ENOX1: variants seen among roughly 807,000 people sequenced by gnomAD.
The protein encoded by ENOX1 is ecto-NOX disulfide-thiol exchanger 1.
Under a neutral mutation model 82.5 loss-of-function variants are expected in ENOX1, and 42 were observed. The observed-to-expected ratio is 0.51, with a 90% confidence interval of 0.40 to 0.66. The LOEUF (loss-of-function observed/expected upper bound fraction) is 0.66. Ranked by LOEUF, ENOX1 falls within the 30% of genes least tolerant of loss-of-function variation. ENOX1 has a pLI of 0.00. For synonymous variants in ENOX1, 271 were observed against 282.2 expected, an observed-to-expected ratio of 0.96 and a Z score of 0.40; for missense variants, 608 against 811.6, an observed-to-expected ratio of 0.75 and a Z score of 3.05.
chr13:43,629,290 G>A (rs2083103936), intron 2 of ENOX1, among the ~76,000 whole-genome samples: 1 of 152,192 alleles, frequency 6.6e-6, no homozygotes, highest in Non-Finnish European at 1.5e-5. Flanking sequence ...TTGCTGCAAT[G>A]TCCCTTTTTC....
chr13:43,550,402 C>A (rs1265526954), intron 2 of ENOX1, among the ~76,000 whole-genome samples: 1 of 152,152 alleles, frequency 6.6e-6, no homozygotes, highest in African/African-American at 2.4e-5. Context: ...TGTCCATCAG[C>A]AGTTGGGTGT....
At chr13:43,727,064 A>G (rs1248260132) in intron 1 of ENOX1, among the ~76,000 whole-genome samples, 1 of 152,154 alleles carries the variant, frequency 6.6e-6, no homozygotes, top group Non-Finnish European at 1.5e-5. Context: ...GATGCACCGA[A>G]GAACACCCTG....
intron 5 of ENOX1, among the ~76,000 whole-genome samples, chr13:43,383,665 G>C (rs2052218195): frequency 6.6e-6 from 1 of 152,132 alleles, no homozygotes; most frequent in Admixed American, 6.5e-5. Flanking sequence ...ATGGCCTCCT[G>C]CTGCTGTTGT....
intron 2 of ENOX1, among the ~76,000 whole-genome samples, chr13:43,632,745 C>A (rs1207974684): frequency 1.3e-5 from 2 of 152,066 alleles, no homozygotes; most frequent in Non-Finnish European, 2.9e-5. Flanking sequence ...CAGTGCCCGG[C>A]CTGATTTTTA....
chr13:43,213,196 T>A lies in ENOX1; in HGVS notation c.*794A>T, dbSNP rs1028850613. On this transcript the variant is annotated 3_prime_UTR_variant, in exon 17 of 17. Coordinates refer to ENST00000690772, the MANE Select transcript of ENOX1 (RefSeq NM_001347969.2). ...GCTATAAAATTTGTAACAGGAATAT[T>A]TACTGAATGTTTATTTTGATGCATA... Among the ~76,000 whole-genome samples, 1 of 152,174 alleles carries A rather than the reference T, an allele frequency of 6.6e-6. No individual in the cohort carries two copies. The highest frequency in any genetic ancestry group is 1.5e-5 in the Non-Finnish European group (1 of 68,008).
chr13:43,499,883 G>T (rs779676530), intron 2 of ENOX1, among the ~76,000 whole-genome samples: 4 of 151,964 alleles, frequency 2.6e-5, no homozygotes, highest in African/African-American at 9.7e-5. Flanking sequence ...TCAACAAAGA[G>T]ATAGAAACCA....
At chr13:43,568,406 G>A (rs776707929) in intron 2 of ENOX1, among the ~76,000 whole-genome samples, 1 of 152,086 alleles carries the variant, frequency 6.6e-6, no homozygotes, top group Non-Finnish European at 1.5e-5. Flanking sequence ...CCGTGTCAGG[G>A]TGCCCCGGGA....
At chr13:43,487,515 A>C (rs576389389) in intron 2 of ENOX1, among the ~76,000 whole-genome samples, 16 of 152,342 alleles carry the variant, frequency 1.1e-4, no homozygotes, top group African/African-American at 3.4e-4. Flanking sequence ...GTCATAGTAC[A>C]AAGAAAATCA....
At chr13:43,413,230 CA>C (rs1430756197) in intron 3 of ENOX1, among the ~76,000 whole-genome samples, 1 of 152,172 alleles carries the variant, frequency 6.6e-6, no homozygotes, top group Non-Finnish European at 1.5e-5. Flanking sequence ...GCTGAATAAA[CA>C]GCCCCATTTG....
intron 2 of ENOX1, among the ~76,000 whole-genome samples, chr13:43,519,998 C>T (rs572990637): frequency 1.1e-4 from 16 of 152,226 alleles, no homozygotes; most frequent in Admixed American, 6.5e-4. Context: ...TATTTACTAA[C>T]GTAACTGACT....
At chr13:43,568,362 C>T (rs1005252079) in intron 2 of ENOX1, among the ~76,000 whole-genome samples, 7 of 152,176 alleles carry the variant, frequency 4.6e-5, no homozygotes. Flanking sequence ...ACTTAAAATT[C>T]CAGCTTTTGC....
intron 11 of ENOX1, among the ~76,000 whole-genome samples, chr13:43,322,181 G>A (rs1020419383): frequency 9.2e-5 from 14 of 152,130 alleles, no homozygotes; most frequent in South Asian, 6.2e-4. Context: ...ATCTACGTAC[G>A]GAGAAACAAC....
intron 11 of ENOX1, among the ~76,000 whole-genome samples, chr13:43,303,772 G>C (rs1368029161): frequency 1.3e-5 from 2 of 152,094 alleles, no homozygotes; most frequent in Admixed American, 6.5e-5. Context: ...CTCCTGGCGG[G>C]CATATTAAAA....
At chr13:43,536,775 C>T (rs1166910392) in intron 2 of ENOX1, among the ~76,000 whole-genome samples, 1 of 152,146 alleles carries the variant, frequency 6.6e-6, no homozygotes, top group African/African-American at 2.4e-5. Flanking sequence ...TAAAAAGTGC[C>T]CAGCTGTTCA....
intron 15 of ENOX1, among the ~76,000 whole-genome samples, chr13:43,234,911 T>C (rs888241392): frequency 9.2e-5 from 14 of 152,216 alleles, no homozygotes; most frequent in Non-Finnish European, 8.8e-5. Flanking sequence ...AAGAAGCAGC[T>C]ATCTCTAGTG....
intron 11 of ENOX1, among the ~76,000 whole-genome samples, chr13:43,316,983 T>C (rs1360813524): frequency 6.6e-6 from 1 of 152,240 alleles, no homozygotes; most frequent in African/African-American, 2.4e-5. Context: ...AATTCAGTGG[T>C]CAGTGATGGA....
chr13:43,424,323 A>G (rs1477293056), intron 3 of ENOX1, among the ~76,000 whole-genome samples: 1 of 152,234 alleles, frequency 6.6e-6, no homozygotes, highest in African/African-American at 2.4e-5. Context: ...CGTGGAAAAC[A>G]TATTAAGCTA....
chr13:43,266,972 A>C (rs1413041385), intron 13 of ENOX1, among the ~76,000 whole-genome samples: 1 of 152,126 alleles, frequency 6.6e-6, no homozygotes, highest in Non-Finnish European at 1.5e-5. Flanking sequence ...TCTTTTAAAT[A>C]AACTCCATTC....
At chr13:43,222,396 C>CACACAA (rs1021252612) in intron 16 of ENOX1, among the ~76,000 whole-genome samples, 20 of 152,062 alleles carry the variant, frequency 1.3e-4, no homozygotes, top group African/African-American at 4.8e-4. Context: ...CACACACACA[C>CACACAA]ACACACACGC....
Sources: gnomAD v4.1 joint callset for allele counts (sites outside exome capture counted in the v4.1 genomes callset) on GRCh38, gnomAD v4.1.1 for gene constraint, MANE v1.5 for transcripts, NCBI Gene and HGNC (gene_info 2026-07-23, HGNC 2026-07-21) for gene names.